MAP3K13: variants seen among roughly 807,000 people sequenced by gnomAD.
The protein encoded by MAP3K13 is mitogen-activated protein kinase kinase kinase 13.
In MAP3K13, 52 loss-of-function variants were observed where a neutral mutation model predicts 104.0. The observed-to-expected ratio is 0.50, with a 90% CI of 0.40 to 0.63. MAP3K13 has a LOEUF of 0.63. Among genes scored for constraint, MAP3K13 ranks in the 20% least tolerant of loss-of-function variants. The pLI is 0.00. For synonymous variants in MAP3K13, 394 were observed against 442.2 expected (o/e 0.89, Z 1.37); for missense variants, 914 against 1,218.5 (o/e 0.75, Z 3.72).
At chr3:185,459,113 C>T (rs17237098) in intron 7 of MAP3K13, among the ~76,000 whole-genome samples, 4,901 of 152,204 alleles carry the variant, frequency 0.032, 89 homozygotes, top group Middle Eastern at 0.071. Context: ...CCATTGTGAC[C>T]GCCCAGAAAT....
chr3:185,481,037 T>C (rs779141800), intron 13 of MAP3K13, among the ~76,000 whole-genome samples: 7 of 152,090 alleles, frequency 4.6e-5, no homozygotes, highest in Non-Finnish European at 8.8e-5. Flanking sequence ...AAGAAGTAAG[T>C]AGACGTACAG....
At chr3:185,460,116 A>T (rs1717012585) in intron 7 of MAP3K13, among the ~76,000 whole-genome samples, 1 of 151,988 alleles carries the variant, frequency 6.6e-6, no homozygotes, top group Non-Finnish European at 1.5e-5. Context: ...TTATCTATTA[A>T]TTTGACTTTA....
intron 1 of MAP3K13, among the ~76,000 whole-genome samples, chr3:185,285,202 C>T (rs141452160): frequency 8.5e-5 from 13 of 152,240 alleles, no homozygotes; most frequent in Non-Finnish European, 1.5e-4. Context: ...CTTGTGTTCC[C>T]GATTTCTGGA....
chr3:185,355,198 A>G (rs6444056), intron 2 of MAP3K13, among the ~76,000 whole-genome samples: 110,290 of 152,118 alleles, frequency 0.73, 42,364 homozygotes, highest in Non-Finnish European at 0.86. Flanking sequence ...AAGGCCGGGC[A>G]CGGTGGTTCA....
Position 185,449,920 on chromosome 3 carries a change from G to A in MAP3K13, c.1031G>A (p.Trp344Ter). The A allele has an allele frequency of 6.2e-7, 1 of 1,611,640 alleles. No individual in the cohort carries two copies. Among genetic ancestry groups the A allele is most frequent in the Non-Finnish European group, 8.5e-7 (1 of 1,179,034 alleles). The change falls in exon 6 of 14, where the codon TGG (tryptophan) becomes TAG (stop). Residue 344 changes from tryptophan to a stop codon, truncating the protein, a stop_gained. Coordinates refer to ENST00000265026, the MANE Select transcript of MAP3K13 (RefSeq NM_004721.5). LOFTEE classifies it high-confidence loss of function. ...VDIWSFGVVL[W>*]ELLTGEIPYK... ...TGTAGGTCTTTTGGAGTGGTGCTTTGGGAGCTGCTGACAGGAGAGATCCCT... is the reference window on the plus strand; with the variant it reads ...TGTAGGTCTTTTGGAGTGGTGCTTTAGGAGCTGCTGACAGGAGAGATCCCT...
intron 10 of MAP3K13, among the ~76,000 whole-genome samples, chr3:185,469,538 T>C (rs1298609580): frequency 1.3e-5 from 2 of 152,242 alleles, no homozygotes; most frequent in Non-Finnish European, 2.9e-5. Context: ...GACAGGAAGC[T>C]GCCAATAGCA....
At chr3:185,455,543 A>ACATATATAT (rs1560119791) in intron 7 of MAP3K13, among the ~76,000 whole-genome samples, 91 of 7,442 alleles carry the variant, frequency 0.012, 9 homozygotes, top group African/African-American at 0.051. Context: ...GATATATATG[A>ACATATATAT]CATATATATG....
intron 13 of MAP3K13, chr3:185,481,271 G>T (rs1455123689): frequency 2.6e-5 from 4 of 152,304 alleles, no homozygotes; most frequent in African/African-American, 9.7e-5. Flanking sequence ...TTAGGGTCAG[G>T]AGTTCAAGAT....
chr3:185,349,315 C>A (rs543956058), intron 2 of MAP3K13, among the ~76,000 whole-genome samples: 1 of 152,022 alleles, frequency 6.6e-6, no homozygotes, highest in Non-Finnish European at 1.5e-5. Flanking sequence ...TCCATCTTTA[C>A]GTACATGTGT....
chr3:185,293,092 GTTCT>G (rs1577398531), intron 2 of MAP3K13: 4 of 928,458 alleles, frequency 4.3e-6, no homozygotes, highest in Non-Finnish European at 5.1e-6. Context: ...TGCACTTGCT[GTTCT>G]TTCTTTCTTT....
intron 2 of MAP3K13, among the ~76,000 whole-genome samples, chr3:185,338,199 G>A (rs767994725): frequency 2.0e-5 from 3 of 151,710 alleles, no homozygotes; most frequent in East Asian, 1.9e-4. Context: ...GTATGGTGGC[G>A]TGCTCCTATA....
chr3:185,451,616 G>T (rs1055266565), intron 7 of MAP3K13: 2 of 384,984 alleles, frequency 5.2e-6, no homozygotes, highest in Non-Finnish European at 9.5e-6. Flanking sequence ...TGTTGGCCGG[G>T]TGCACTTTGG....
rs542424258 is a variant in MAP3K13, at chr3:185,373,573, C to T, written c.-86+10205C>T. 6.6e-5 allele frequency among the ~76,000 whole-genome samples: 10 copies of T among 152,212 alleles called. No individual in the cohort carries two copies. In the South Asian group the frequency reaches 1.5e-3, roughly 22 times the overall value. On this transcript the variant is annotated intron_variant, in intron 1 of 13. Coordinates refer to ENST00000265026, the MANE Select transcript of MAP3K13 (RefSeq NM_004721.5). ...ACTAGAATCACTTGAACCCAGGAGG[C>T]GGAGGTTGCAGTGAGCGGAGATCAT...
chr3:185,455,252 TATGAG>T lies in MAP3K13; in HGVS notation c.1278+3860_1278+3864del, dbSNP rs1399645899. Among the ~76,000 whole-genome samples the T allele has an allele frequency of 9.1e-3, 337 of 37,152 alleles. 17 individuals carry two copies. Among genetic ancestry groups the T allele is most frequent in the Non-Finnish European group, 0.018 (261 of 14,912 alleles). The allele number at this position is 37,152 out of a possible 152,430, so 24.4% of individuals were successfully genotyped here. A position where few individuals can be genotyped will look rare whatever the true frequency, so the allele number is the denominator to read the frequency against. ...ATATATGAGATATATATATGATATA[TATGAG>T]ATATATGAGATATATATGAGATATA... On this transcript the variant is annotated intron_variant, in intron 7 of 13. Coordinates refer to ENST00000265026, the MANE Select transcript of MAP3K13 (RefSeq NM_004721.5).
In MAP3K13 at chr3:185,486,250, C is replaced by T. The variant is rs1353132650; in HGVS notation, c.*3794C>T. The T allele has an allele frequency of 6.6e-6, 1 of 152,180 alleles. No individual in the cohort carries two copies. Among genetic ancestry groups the T allele is most frequent in the African/African-American group, 2.4e-5 (1 of 41,442 alleles). 9.4% of individuals were successfully genotyped at this position (152,180 alleles called of 1,614,324 possible). A position where few individuals can be genotyped will look rare whatever the true frequency, so the allele number is the denominator to read the frequency against. ...TATCTGTTATGCTATTGTCATCATA[C>T]ACCTTATGTGGATTAACTGTTATGA... On this transcript the variant is annotated 3_prime_UTR_variant, in exon 14 of 14. Coordinates refer to ENST00000265026, the MANE Select transcript of MAP3K13 (RefSeq NM_004721.5).
At chr3:185,332,230 C>T (rs1349086641) in intron 2 of MAP3K13, among the ~76,000 whole-genome samples, 1 of 151,090 alleles carries the variant, frequency 6.6e-6, no homozygotes, top group African/African-American at 2.5e-5. Flanking sequence ...GTGTACTCCC[C>T]CCCCCCATTA....
At chr3:185,338,160 C>T (rs1722580614) in intron 2 of MAP3K13, among the ~76,000 whole-genome samples, 1 of 151,832 alleles carries the variant, frequency 6.6e-6, no homozygotes, top group Non-Finnish European at 1.5e-5. Flanking sequence ...GAAACCCCGT[C>T]TCTACTAAAA....
intron 11 of MAP3K13, among the ~76,000 whole-genome samples, chr3:185,475,093 C>CAAAAAA (rs972600527): frequency 2.4e-5 from 1 of 41,848 alleles, no homozygotes; most frequent in Non-Finnish European, 5.2e-5. Flanking sequence ...GACCCCATCT[C>CAAAAAA]AAAAAAAAAA....
chr3:185,472,848 T>C (rs1163629565), intron 10 of MAP3K13, 127 bp from the exon 11 acceptor site: 17 of 863,980 alleles, frequency 2.0e-5, no homozygotes, highest in Non-Finnish European at 2.7e-5. Flanking sequence ...TCATACGTTA[T>C]CTCTATTGGA....
Sources: gnomAD v4.1 joint callset for allele counts (sites outside exome capture counted in the v4.1 genomes callset) on GRCh38, gnomAD v4.1.1 for gene constraint, MANE v1.5 for transcripts, NCBI Gene and HGNC (gene_info 2026-07-23, HGNC 2026-07-21) for gene names.